CCDC148: variants seen among roughly 807,000 people sequenced by gnomAD.
CCDC148 encodes coiled-coil domain-containing protein 148.
A neutral mutation model predicts 85.7 loss-of-function variants in CCDC148; 89 were observed. The ratio of observed to expected loss-of-function variants is 1.04; its 90% CI spans 0.87 to 1.24. The LOEUF (loss-of-function observed/expected upper bound fraction) is 1.24. Among genes scored for constraint, CCDC148 ranks in the 50% most tolerant of loss-of-function variants. The pLI, the probability that CCDC148 is intolerant of heterozygous loss-of-function variation, is 0.00. For missense variants in CCDC148, 692 were observed against 671.7 expected (o/e 1.03, Z -0.33); for synonymous variants, 230 against 213.9 (o/e 1.08, Z -0.66).
intron 1 of CCDC148, among the ~76,000 whole-genome samples, chr2:158,428,718 G>T (rs1036599021): frequency 6.6e-6 from 1 of 151,770 alleles, no homozygotes; most frequent in African/African-American, 2.4e-5. Flanking sequence ...CATTGCGGAA[G>T]ACAGTGTGGC....
At chr2:158,344,959 TG>T in intron 3 of CCDC148, among the ~76,000 whole-genome samples, 1 of 151,870 alleles carries the variant, frequency 6.6e-6, no homozygotes, top group East Asian at 1.9e-4. Context: ...AGTATGAGAG[TG>T]GGAGTGTGGA....
intron 11 of CCDC148, among the ~76,000 whole-genome samples, chr2:158,207,037 A>C (rs761684559): frequency 1.3e-5 from 2 of 152,236 alleles, no homozygotes; most frequent in Non-Finnish European, 2.9e-5. Context: ...GCCAGTTCCA[A>C]TACTTTATCG....
chr2:158,313,236 T>A (rs1692119452), intron 8 of CCDC148, among the ~76,000 whole-genome samples: 1 of 152,220 alleles, frequency 6.6e-6, no homozygotes, highest in African/African-American at 2.4e-5. Flanking sequence ...CTTTGAGTTC[T>A]GTATTTGGGG....
At chr2:158,303,436 T>C (rs1378065951) in intron 9 of CCDC148, among the ~76,000 whole-genome samples, 1 of 152,204 alleles carries the variant, frequency 6.6e-6, no homozygotes, top group Non-Finnish European at 1.5e-5. Flanking sequence ...AGGGCTCAGC[T>C]TTCAGGCTTA....
chr2:158,398,454 G>C (rs1249105415), intron 1 of CCDC148, among the ~76,000 whole-genome samples: 2 of 152,130 alleles, frequency 1.3e-5, no homozygotes, highest in Non-Finnish European at 2.9e-5. Context: ...GATCAAATTA[G>C]AACTCAGGAT....
intron 11 of CCDC148, among the ~76,000 whole-genome samples, chr2:158,203,249 T>C (rs1468045926): frequency 2.0e-5 from 3 of 152,258 alleles, no homozygotes; most frequent in Non-Finnish European, 4.4e-5. Context: ...CATGTTTATC[T>C]GTGCAATAAA....
chr2:158,177,647 T>C (rs1574340477), intron 12 of CCDC148, among the ~76,000 whole-genome samples: 1 of 152,168 alleles, frequency 6.6e-6, no homozygotes, highest in Admixed American at 6.5e-5. Flanking sequence ...CAGAAGGCCA[T>C]GATATATAAG....
rs184356069 is a variant in CCDC148 at position 158,191,353 on chromosome 2, C to T, written c.1371-12357G>A. Reference sequence around the variant, plus strand: ...AAAGGTTTTTGTAGTGATTCAGCCGCCCACAGCAAAGAAGTAAACCTTGAT... The same window carrying T: ...AAAGGTTTTTGTAGTGATTCAGCCGTCCACAGCAAAGAAGTAAACCTTGAT... On this transcript the variant is annotated intron_variant, in intron 11 of 13. Coordinates refer to ENST00000283233, the MANE Select transcript of CCDC148 (RefSeq NM_138803.4). 5.1e-3 allele frequency among the ~76,000 whole-genome samples: 776 copies of T among 152,064 alleles called. 2 individuals carry two copies. Among genetic ancestry groups the T allele is most frequent in the African/African-American group, 0.018 (747 of 41,512 alleles).
intron 8 of CCDC148, among the ~76,000 whole-genome samples, chr2:158,310,661 AGG>A: frequency 6.7e-6 from 1 of 148,278 alleles, no homozygotes; most frequent in South Asian, 2.2e-4. Flanking sequence ...GGCCAGGCAG[AGG>A]CGCTCCTCAC....
At chr2:158,359,778 G>C (rs1233074452) in intron 1 of CCDC148, among the ~76,000 whole-genome samples, 1 of 152,180 alleles carries the variant, frequency 6.6e-6, no homozygotes, top group Non-Finnish European at 1.5e-5. Flanking sequence ...CTAGCTGCAG[G>C]AGTTTTTTTC....
intron 9 of CCDC148, among the ~76,000 whole-genome samples, chr2:158,281,947 T>A (rs1690335868): frequency 6.6e-6 from 1 of 151,926 alleles, no homozygotes; most frequent in African/African-American, 2.4e-5. Context: ...GTGGGCTTCA[T>A]CCCTGGGATG....
chr2:158,304,344 A>T (rs1279906255), intron 9 of CCDC148, among the ~76,000 whole-genome samples: 1 of 152,114 alleles, frequency 6.6e-6, no homozygotes, highest in East Asian at 1.9e-4. Flanking sequence ...CTGACCCTTG[A>T]TCTCCAAGCA....
chr2:158,338,131 T>C (rs534154229), intron 7 of CCDC148, among the ~76,000 whole-genome samples: 2 of 152,234 alleles, frequency 1.3e-5, no homozygotes, highest in African/African-American at 4.8e-5. Flanking sequence ...GGATTTGTCA[T>C]CTAAGTGAAT....
At chr2:158,414,500 T>C (rs1178940556) in intron 1 of CCDC148, among the ~76,000 whole-genome samples, 4 of 152,116 alleles carry the variant, frequency 2.6e-5, no homozygotes, top group African/African-American at 4.8e-5. Flanking sequence ...ACAAGAATAA[T>C]GTGTGCTCCA....
chr2:158,239,924 C>T (rs1688276860), intron 10 of CCDC148, among the ~76,000 whole-genome samples: 1 of 151,924 alleles, frequency 6.6e-6, no homozygotes, highest in Admixed American at 6.6e-5. Flanking sequence ...TTGCAGTACT[C>T]CATCAGATTC....
At chr2:158,283,779 T>C (rs539638911) in intron 9 of CCDC148, among the ~76,000 whole-genome samples, 5 of 152,044 alleles carry the variant, frequency 3.3e-5, no homozygotes, top group African/African-American at 1.2e-4. Context: ...TTACTAGGTA[T>C]ATACCCAAAG....
chr2:158,186,850 G>T (rs534143493), intron 11 of CCDC148, among the ~76,000 whole-genome samples: 2 of 151,840 alleles, frequency 1.3e-5, no homozygotes, highest in African/African-American at 4.8e-5. Flanking sequence ...AACCAGTCAG[G>T]CTTTATCTCA....
Position 158,250,828 on chromosome 2 carries a change from T to C in CCDC148, c.1195A>G (p.Lys399Glu). Residue 399 changes from lysine to glutamate, a missense_variant, in exon 10 of 14, where the codon AAA becomes GAA. Physicochemically the swap from Lys to Glu is moderately conservative, Grantham distance 56. Transcript: ENST00000283233. The part of the protein sequence containing the change: ...SARRREKEEE[K>E]EKLWKKKELL... ...TCCTTCTTCTTCCACAGTTTCTCTT[T>C]CTCCTCTTCCTTTTCTCTTCTTCTG... 6.2e-7 allele frequency: 1 copy of C among 1,605,850 alleles called. No individual in the cohort carries two copies. Among genetic ancestry groups the C allele is most frequent in the South Asian group, 1.1e-5 (1 of 90,324 alleles).
At chr2:158,284,298 T>C (rs1034085015) in intron 9 of CCDC148, among the ~76,000 whole-genome samples, 6 of 146,974 alleles carry the variant, frequency 4.1e-5, no homozygotes, top group African/African-American at 1.5e-4. Context: ...AGAAAACCAA[T>C]AATGACAGAT....
Sources: gnomAD v4.1 joint callset for allele counts (sites outside exome capture counted in the v4.1 genomes callset) on GRCh38, gnomAD v4.1.1 for gene constraint, MANE v1.5 for transcripts, NCBI Gene and HGNC (gene_info 2026-07-23, HGNC 2026-07-21) for gene names.